ANKRD18B: variants seen among roughly 807,000 people sequenced by gnomAD.
ANKRD18B encodes the protein ankyrin repeat domain-containing protein 18B.
In ANKRD18B, 75 loss-of-function variants were observed where a neutral mutation model predicts 111.8. That is an observed-to-expected ratio of 0.67 (90% CI 0.56 to 0.81). The LOEUF (loss-of-function observed/expected upper bound fraction) is 0.81, where lower values mean the gene tolerates loss of function less well. Among genes scored for constraint, ANKRD18B ranks in the 40% least tolerant of loss-of-function variants. ANKRD18B has a pLI of 0.00. For synonymous variants in ANKRD18B, 356 were observed against 417.3 expected (o/e 0.85, Z 1.79); for missense variants, 1,038 against 1,225.5 (o/e 0.85, Z 2.28).
chr9:33,555,538 T>G (rs1828509177), intron 12 of ANKRD18B, among the ~76,000 whole-genome samples, 170 bp from the exon 13 acceptor site: 2 of 152,216 alleles, frequency 1.3e-5, no homozygotes, highest in South Asian at 4.1e-4. Context: ...TTTAGCTGTT[T>G]TAAGAAAATG....
chr9:33,530,930 C>T (rs1284106637), intron 3 of ANKRD18B, among the ~76,000 whole-genome samples: 1 of 152,164 alleles, frequency 6.6e-6, no homozygotes, highest in Non-Finnish European at 1.5e-5. Flanking sequence ...TATGTATCAA[C>T]AAATGTTCAT....
rs138825228 is a variant in ANKRD18B, at chr9:33,561,450, T to C, written c.2460+3263T>C. On this transcript the variant is annotated intron_variant, in intron 14 of 18. Transcript: ENST00000684830. Reference sequence around the variant, plus strand: ...CTATATATGTAAGTCCCTTATCAGATATATGCTTTTCAGATACTTTCTTCT... The same window carrying C: ...CTATATATGTAAGTCCCTTATCAGACATATGCTTTTCAGATACTTTCTTCT... Among the ~76,000 whole-genome samples, 58 of 152,346 alleles carry C rather than the reference T, an allele frequency of 3.8e-4. 1 individual carries two copies. The highest frequency in any genetic ancestry group is 1.3e-3 in the African/African-American group (56 of 41,586).
intron 6 of ANKRD18B, among the ~76,000 whole-genome samples, chr9:33,538,604 T>TGG (rs1587261762): frequency 6.6e-6 from 1 of 151,622 alleles, no homozygotes; most frequent in African/African-American, 2.4e-5. Context: ...GGCATGGGGG[T>TGG]GGGCACCTGT....
chr9:33,538,426 A>G (rs1270849402), intron 6 of ANKRD18B, among the ~76,000 whole-genome samples: 2 of 152,072 alleles, frequency 1.3e-5, no homozygotes, highest in African/African-American at 4.8e-5. Flanking sequence ...TAATAATAGT[A>G]ATTTTATTGG....
At chr9:33,543,324 C>A in intron 10 of ANKRD18B, 69 bp downstream of exon 10, 1 of 1,282,526 alleles carries the variant, frequency 7.8e-7, no homozygotes, top group Non-Finnish European at 1.1e-6. Context: ...ATAGCATAGT[C>A]CAAATGAAGT....
intron 3 of ANKRD18B, 115 bp downstream of exon 3, chr9:33,529,288 C>T: frequency 1.4e-6 from 2 of 1,380,406 alleles, no homozygotes; most frequent in East Asian, 2.5e-5. Context: ...TTTGAAATAA[C>T]TTAATTGTCT....
At chr9:33,527,607 A>G (rs1399927754) in intron 1 of ANKRD18B, among the ~76,000 whole-genome samples, 1 of 152,220 alleles carries the variant, frequency 6.6e-6, no homozygotes, top group Admixed American at 6.5e-5. Context: ...GGCGTGAGCC[A>G]CCGCGCCCGG....
chr9:33,541,598 T>C (rs1333325409), intron 9 of ANKRD18B, among the ~76,000 whole-genome samples: 1 of 152,140 alleles, frequency 6.6e-6, no homozygotes, highest in South Asian at 2.1e-4. Flanking sequence ...CCTGGGAGGC[T>C]GAAGCAGGAG....
At chr9:33,527,485 C>A (rs1341816218) in intron 1 of ANKRD18B, among the ~76,000 whole-genome samples, 1 of 152,102 alleles carries the variant, frequency 6.6e-6, no homozygotes, top group African/African-American at 2.4e-5. Context: ...CCACGCCCAG[C>A]TAATTTTTGT....
chr9:33,573,268 C>G, downstream of ANKRD18B: 1 of 985,306 alleles, frequency 1.0e-6, no homozygotes, highest in Non-Finnish European at 1.2e-6. Flanking sequence ...AACAGAAGAA[C>G]CACTGTCGCA....
In ANKRD18B at chr9:33,531,676, G is replaced by C. The variant is rs202225292; in HGVS notation, c.496-1763G>C. On this transcript the variant is annotated intron_variant, in intron 3 of 18. Coordinates refer to ENST00000684830, the MANE Select transcript of ANKRD18B (RefSeq NM_001393611.1). ...TTGAGTTTACAACTCCTTTTTTATA[G>C]TATATTTTCATAAAGATTTCAAGGT... Among the ~76,000 whole-genome samples the C allele has an allele frequency of 4.7e-3, 675 of 144,580 alleles. 15 individuals carry two copies. Among genetic ancestry groups the C allele is most frequent in the Non-Finnish European group, 7.9e-3 (526 of 66,370 alleles). 94.9% of individuals were successfully genotyped at this position (144,580 alleles called of 152,430 possible).
intron 10 of ANKRD18B, 83 bp from the exon 11 acceptor site, chr9:33,547,855 T>A (rs952143476): frequency 7.8e-5 from 77 of 980,916 alleles, no homozygotes; most frequent in Non-Finnish European, 9.3e-5. Flanking sequence ...ATTGCATGAA[T>A]GTATAGGTTG....
intron 12 of ANKRD18B, among the ~76,000 whole-genome samples, chr9:33,553,198 CAAA>C (rs770597736): frequency 1.0e-5 from 1 of 99,670 alleles, no homozygotes; most frequent in Non-Finnish European, 2.1e-5. Flanking sequence ...CCTGACTCTA[CAAA>C]AAAAAAAAAA....
At chr9:33,528,231 T>C (rs560780876) in intron 1 of ANKRD18B, among the ~76,000 whole-genome samples, 2 of 152,302 alleles carry the variant, frequency 1.3e-5, no homozygotes, top group East Asian at 3.9e-4. Context: ...AGCCTACAAG[T>C]GCCAGGCTGC....
chr9:33,570,989 C>T (rs1045953023), intron 17 of ANKRD18B, among the ~76,000 whole-genome samples: 6 of 152,054 alleles, frequency 3.9e-5, no homozygotes, highest in East Asian at 1.9e-4. Context: ...TATGTATATC[C>T]GATAGACCAA....
At chr9:33,563,318 A>G (rs1342375513) in intron 14 of ANKRD18B, among the ~76,000 whole-genome samples, 1 of 152,210 alleles carries the variant, frequency 6.6e-6, no homozygotes, top group Non-Finnish European at 1.5e-5. Context: ...TGGCCAGGAC[A>G]GCTTGTCTCT....
intron 18 of ANKRD18B, 176 bp downstream of exon 18, chr9:33,571,467 A>T: frequency 5.6e-6 from 1 of 178,614 alleles, no homozygotes; most frequent in Non-Finnish European, 1.3e-5. Flanking sequence ...GAGTATACTT[A>T]TGCATCATTA....
intron 18 of ANKRD18B, 32 bp downstream of exon 18, chr9:33,571,323 G>A (rs1254290517): frequency 5.7e-6 from 6 of 1,053,574 alleles, no homozygotes; most frequent in Non-Finnish European, 2.4e-6. Context: ...ATTAAATTTA[G>A]GTTTATTTTA....
At chr9:33,551,661 C>A (rs1828447843) in intron 12 of ANKRD18B, among the ~76,000 whole-genome samples, 1 of 151,940 alleles carries the variant, frequency 6.6e-6, no homozygotes, top group Non-Finnish European at 1.5e-5. Context: ...AGCTGATGGA[C>A]CTTTAGGTTG....
Sources: gnomAD v4.1 joint callset for allele counts (sites outside exome capture counted in the v4.1 genomes callset) on GRCh38, gnomAD v4.1.1 for gene constraint, MANE v1.5 for transcripts, NCBI Gene and HGNC (gene_info 2026-07-23, HGNC 2026-07-21) for gene names.